The following ANKAR variants were observed in gnomAD, a reference collection of about 807,000 sequenced individuals.
The protein encoded by ANKAR is ankyrin and armadillo repeat-containing protein.
A neutral mutation model predicts 146.2 loss-of-function variants in ANKAR; 136 were observed. The observed-to-expected ratio is 0.93, with a 90% CI of 0.81 to 1.07. The LOEUF (loss-of-function observed/expected upper bound fraction) is 1.07. ANKAR is among the 50% of genes least tolerant of loss of function. The pLI is 0.00. For synonymous variants in ANKAR, 500 were observed against 575.8 expected, an observed-to-expected ratio of 0.87 and a Z score of 1.88; for missense variants, 1,567 against 1,679.9, an observed-to-expected ratio of 0.93 and a Z score of 1.18.
At position 189,689,725 on chromosome 2, in the gene ANKAR, A is replaced by G; in HGVS notation, c.800A>G (p.Tyr267Cys). ...AATGTCTTTATATTTGAAACAGGCT[A>G]TTGGCTTACTAATGCTATAAAATAT... ...YENVFIFETG[Y>C]WLTNAIKYNQ... Residue 267 changes from tyrosine (Y) to cysteine (C), a missense_variant, in exon 3 of 23, where the codon TAT (tyrosine) becomes TGT (cysteine). By Grantham distance (194) the Tyr-to-Cys change is radical (BLOSUM62 -2). Coordinates refer to ENST00000684021, the MANE Select transcript of ANKAR (RefSeq NM_001378068.1). The G allele has an allele frequency of 6.2e-7, 1 of 1,613,368 alleles. No individual in the cohort carries two copies. Among genetic ancestry groups the G allele is most frequent in the Non-Finnish European group, 8.5e-7 (1 of 1,179,452 alleles).
At chr2:189,722,325 C>T (rs61516562) in intron 12 of ANKAR, among the ~76,000 whole-genome samples, 1,464 of 118,736 alleles carry the variant, frequency 0.012, 31 homozygotes, top group African/African-American at 0.046. Context: ...GGCAACAGAG[C>T]GAGACTCCAT....
intron 2 of ANKAR, among the ~76,000 whole-genome samples, chr2:189,688,901 G>A (rs1437060038): frequency 1.3e-5 from 2 of 151,116 alleles, no homozygotes; most frequent in African/African-American, 2.4e-5. Context: ...CTTATGAGGA[G>A]AAAGTTACTG....
intron 20 of ANKAR, 96 bp downstream of exon 20, chr2:189,741,547 TTATAGA>T (rs1030064959): frequency 5.5e-6 from 4 of 732,690 alleles, no homozygotes; most frequent in Admixed American, 3.0e-5. Flanking sequence ...ATTGACTGTG[TTATAGA>T]TATAATATAA....
rs767281562 is a variant in ANKAR, at chr2:189,692,570, A to T, written c.1203+152A>T. 9.3e-6 allele frequency: 6 copies of T among 648,012 alleles called. No homozygotes were observed. In the Admixed American group the frequency reaches 2.2e-4, roughly 23 times the overall value. The allele number at this position is 648,012 out of a possible 1,614,324, so 40.1% of individuals were successfully genotyped here. ...TAATTTTTTCATACATTATTTTAAC[A>T]TCAATGAATTAAGTGCAGATATATG... On this transcript the variant is annotated intron_variant, in intron 4 of 22. Transcript: ENST00000684021.
intron 2 of ANKAR, among the ~76,000 whole-genome samples, chr2:189,678,841 T>C (rs192522884): frequency 6.6e-6 from 1 of 152,362 alleles, no homozygotes; most frequent in East Asian, 1.9e-4. Context: ...TGTAGTATAG[T>C]TTGAAGTCAG....
At chr2:189,724,986 G>C (rs2041707448) in intron 12 of ANKAR, among the ~76,000 whole-genome samples, 1 of 151,938 alleles carries the variant, frequency 6.6e-6, no homozygotes, top group Non-Finnish European at 1.5e-5. Flanking sequence ...TCTTTCTAAG[G>C]GTAAACACAA....
chr2:189,682,109 G>A (rs1385828493), intron 2 of ANKAR, among the ~76,000 whole-genome samples: 2 of 152,094 alleles, frequency 1.3e-5, no homozygotes, highest in East Asian at 1.9e-4. Context: ...GCTTAATACT[G>A]TTGGCTCCTG....
At chr2:189,741,550 T>C in intron 20 of ANKAR, 99 bp downstream of exon 20, 2 of 711,926 alleles carry the variant, frequency 2.8e-6, no homozygotes, top group South Asian at 2.2e-5. Context: ...GACTGTGTTA[T>C]AGATATAATA....
chr2:189,742,484 C>T (rs12052909), intron 20 of ANKAR, among the ~76,000 whole-genome samples: 35,808 of 151,880 alleles, frequency 0.24, 4,547 homozygotes, highest in African/African-American at 0.32. Flanking sequence ...TGGCCTGACA[C>T]TTGTGCTTCT....
chr2:189,679,542 G>A (rs955414976), intron 2 of ANKAR, among the ~76,000 whole-genome samples: 1 of 152,184 alleles, frequency 6.6e-6, no homozygotes, highest in African/African-American at 2.4e-5. Flanking sequence ...TCTTGTTCCA[G>A]TTCTTAGGGG....
Position 189,743,326 on chromosome 2 carries a change from G to A in ANKAR, c.3862G>A (p.Ala1288Thr). 1.2e-6 allele frequency: 2 copies of A among 1,614,012 alleles called. No individual in the cohort carries two copies. The highest frequency in any genetic ancestry group is 8.5e-7 in the Non-Finnish European group (1 of 1,179,978). ...ALGYLTYNAN[A>T]FRILLKECRN... is the part of the protein sequence containing the mutation. ...TGGCTACTTAACATACAATGCAAAT[G>A]CTTTCCGCATCCTATTAAAAGAATG... Residue 1288 changes from alanine to threonine, a missense_variant, in exon 21 of 23, where the codon GCT becomes ACT. Physicochemically the swap from Ala to Thr is moderately conservative, Grantham distance 58. Coordinates refer to ENST00000684021, the MANE Select transcript of ANKAR (RefSeq NM_001378068.1).
At position 189,733,798 on chromosome 2, in the gene ANKAR, G is replaced by GT. The variant is rs571379187; in HGVS notation, c.3423+577dup. Among the ~76,000 whole-genome samples, 443 of 150,496 alleles carry GT rather than the reference G, an allele frequency of 2.9e-3. 3 individuals carry two copies. The highest frequency in any genetic ancestry group is 0.012 in the South Asian group (57 of 4,738). On this transcript the variant is annotated intron_variant, in intron 17 of 22. Coordinates refer to ENST00000684021, the MANE Select transcript of ANKAR (RefSeq NM_001378068.1). ...GTTTTCTCAGCAATGTCCCTTTTTT[G>GT]TTTTTTTTATTTAATTTAAAAAATT...
chr2:189,716,678 G>C (rs1334320138), intron 10 of ANKAR, among the ~76,000 whole-genome samples: 2 of 152,168 alleles, frequency 1.3e-5, no homozygotes, highest in Non-Finnish European at 2.9e-5. Flanking sequence ...CACGCTACCT[G>C]ACTCCAAACT....
chr2:189,754,212 T>C (rs556979798), intron 18 of ANKAR: 9 of 1,613,886 alleles, frequency 5.6e-6, no homozygotes, highest in African/African-American at 5.3e-5. Flanking sequence ...AAAATCACAA[T>C]TTTTAGCATG....
In ANKAR at chr2:189,738,531, G is replaced by A. The variant is rs761855657; in HGVS notation, c.3583-34G>A. 51 of 1,315,258 alleles carry A rather than the reference G, an allele frequency of 3.9e-5. No individual in the cohort carries two copies. The South Asian group carries it at 6.3e-4, about 16-fold the overall frequency. The allele number at this position is 1,315,258 out of a possible 1,614,324, so 81.5% of individuals were successfully genotyped here. A position where few individuals can be genotyped will look rare whatever the true frequency, so the allele number is the denominator to read the frequency against. ...TAATTAGAGAAGCTGAGTAGAAAAT[G>A]TTCAAAGACTCTCTGCTTCTTTTCT... is the stretch of plus-strand genomic sequence containing the variant. On this transcript the variant is annotated intron_variant, in intron 18 of 22. Transcript: ENST00000684021.
chr2:189,676,458 G>C lies in ANKAR; in HGVS notation c.-33G>C, dbSNP rs2033695072. ...CTTTTCCTTCTTATTCATTGCAGAA[G>C]CTTCAAAAAGGACACACTAGATTTA... On this transcript the variant is annotated splice_region_variant and 5_prime_UTR_variant, in exon 2 of 23. Coordinates refer to ENST00000684021, the MANE Select transcript of ANKAR (RefSeq NM_001378068.1). The C allele has an allele frequency of 6.7e-7, 1 of 1,501,728 alleles. No individual in the cohort carries two copies. The highest frequency in any genetic ancestry group is 1.4e-5 in the African/African-American group (1 of 71,408). 93.0% of individuals were successfully genotyped at this position (1,501,728 alleles called of 1,614,324 possible).
chr2:189,745,024 C>CTAATAATAATAATAATAATAATAA (rs777180514), intron 22 of ANKAR, among the ~76,000 whole-genome samples: 5 of 33,774 alleles, frequency 1.5e-4, no homozygotes, highest in Admixed American at 4.0e-4. Flanking sequence ...ACTACTACTA[C>CTAATAATAATAATAATAATAATAA]TACTAATAAT....
At position 189,717,268 on chromosome 2, in the gene ANKAR, C is replaced by T. The variant is rs1198466863; in HGVS notation, c.2225-2304C>T. Among the ~76,000 whole-genome samples the T allele has an allele frequency of 6.6e-5, 10 of 152,058 alleles. 1 individual carries two copies. The highest frequency in any genetic ancestry group is 5.8e-4 in the East Asian group (3 of 5,172). Reference sequence around the variant, plus strand: ...AGAAAAAAACAACCCCATCAAAAAGCGGGCAAAGGATATGAACAGACACTT... The same window carrying T: ...AGAAAAAAACAACCCCATCAAAAAGTGGGCAAAGGATATGAACAGACACTT... On this transcript the variant is annotated intron_variant, in intron 10 of 22. Coordinates refer to ENST00000684021, the MANE Select transcript of ANKAR (RefSeq NM_001378068.1).
intron 12 of ANKAR, among the ~76,000 whole-genome samples, chr2:189,723,610 A>G (rs1322131098): frequency 6.6e-6 from 1 of 152,156 alleles, no homozygotes; most frequent in Non-Finnish European, 1.5e-5. Flanking sequence ...AATATGTAGT[A>G]TTATGTACTC....
Sources: allele counts gnomAD v4.1 joint callset (sites outside exome capture counted in the v4.1 genomes callset), GRCh38; gene constraint gnomAD v4.1.1; transcripts MANE v1.5; gene names NCBI Gene and HGNC (gene_info 2026-07-23, HGNC 2026-07-21).